Variants in BBS9 observed in about 807,000 individuals in gnomAD.
BBS9 encodes protein PTHB1.
Under a neutral mutation model 117.7 loss-of-function variants are expected in BBS9, and 89 were observed. The ratio of observed to expected loss-of-function variants is 0.76; its 90% CI spans 0.64 to 0.90. The LOEUF (loss-of-function observed/expected upper bound fraction) is 0.90. Ranked by LOEUF, BBS9 falls within the 40% of genes least tolerant of loss-of-function variation. BBS9 has a pLI of 0.00. For synonymous variants in BBS9, 379 were observed against 370.9 expected (o/e 1.02, Z -0.25); for missense variants, 982 against 1,042.2 (o/e 0.94, Z 0.80).
chr7:33,219,795 T>G (rs531039904), intron 5 of BBS9, among the ~76,000 whole-genome samples: 1 of 152,162 alleles, frequency 6.6e-6, no homozygotes, highest in Non-Finnish European at 1.5e-5. Context: ...GCAGGCTGCC[T>G]GAGTCAGCAG....
chr7:33,312,645 A>G (rs1290560240), intron 9 of BBS9, among the ~76,000 whole-genome samples: 1 of 152,170 alleles, frequency 6.6e-6, no homozygotes, highest in Non-Finnish European at 1.5e-5. Context: ...TTGGGGAGAA[A>G]TAGACTTCTC....
chr7:33,458,942 T>C (rs1025164000), intron 19 of BBS9, among the ~76,000 whole-genome samples: 1 of 152,138 alleles, frequency 6.6e-6, no homozygotes, highest in African/African-American at 2.4e-5. Context: ...AAATTACTTC[T>C]CAACCAAGTG....
At chr7:33,162,719 G>C (rs1795046072) in intron 4 of BBS9, among the ~76,000 whole-genome samples, 1 of 152,100 alleles carries the variant, frequency 6.6e-6, no homozygotes, top group Admixed American at 6.5e-5. Flanking sequence ...TCAGCTTAAG[G>C]AGATTTTGGG....
intron 5 of BBS9, among the ~76,000 whole-genome samples, chr7:33,199,190 C>T (rs1785429726): frequency 6.6e-6 from 1 of 151,910 alleles, no homozygotes. Flanking sequence ...TCTTGCCCAA[C>T]TTCCTGAAAA....
At chr7:33,436,936 C>G (rs1254510508) in intron 19 of BBS9, among the ~76,000 whole-genome samples, 2 of 152,150 alleles carry the variant, frequency 1.3e-5, no homozygotes, top group Non-Finnish European at 2.9e-5. Flanking sequence ...TTCTGTGTAA[C>G]TTGACTTGTA....
chr7:33,498,757 G>A lies in BBS9; in HGVS notation c.2116-6706G>A, dbSNP rs139207763. On this transcript the variant is annotated intron_variant, in intron 19 of 22. Coordinates refer to ENST00000242067, the MANE Select transcript of BBS9 (RefSeq NM_198428.3). ...TATGCCACAATTTGTTTATCCATGT[G>A]TCTGTTGATGGACATTTGAGTTGTT... Among the ~76,000 whole-genome samples the A allele has an allele frequency of 2.9e-3, 437 of 152,192 alleles. 5 individuals carry two copies. The highest frequency in any genetic ancestry group is 9.9e-3 in the African/African-American group (413 of 41,520).
At chr7:33,249,383 C>G (rs1317791550) in intron 5 of BBS9, among the ~76,000 whole-genome samples, 1 of 151,974 alleles carries the variant, frequency 6.6e-6, no homozygotes, top group Non-Finnish European at 1.5e-5. Flanking sequence ...CATGTTAAAG[C>G]TTTGACTATA....
chr7:33,299,838 T>C (rs1276505203), intron 9 of BBS9, among the ~76,000 whole-genome samples: 4 of 152,162 alleles, frequency 2.6e-5, no homozygotes, highest in Non-Finnish European at 4.4e-5. Context: ...AAAGCCAGTT[T>C]TGGAGCAGGG....
chr7:33,193,518 T>C (rs1003025507), intron 5 of BBS9, among the ~76,000 whole-genome samples: 2 of 151,902 alleles, frequency 1.3e-5, no homozygotes, highest in African/African-American at 4.8e-5. Flanking sequence ...CCCACTCTGT[T>C]TGGGCCTGTT....
intron 5 of BBS9, among the ~76,000 whole-genome samples, chr7:33,204,834 G>A (rs1023414314): frequency 1.3e-5 from 2 of 152,118 alleles, no homozygotes; most frequent in Non-Finnish European, 2.9e-5. Flanking sequence ...CACCATTGTA[G>A]CTAGTCAAGA....
chr7:33,491,921 T>A (rs1036548348), intron 19 of BBS9, among the ~76,000 whole-genome samples: 21 of 151,972 alleles, frequency 1.4e-4, no homozygotes, highest in African/African-American at 5.1e-4. Flanking sequence ...TATGTTGGGC[T>A]GGGTGTGGTG....
At chr7:33,516,210 G>A (rs1297801376) in intron 20 of BBS9, among the ~76,000 whole-genome samples, 3 of 152,134 alleles carry the variant, frequency 2.0e-5, no homozygotes, top group Non-Finnish European at 2.9e-5. Context: ...TGGAACATAG[G>A]CCGGGCGCGG....
At chr7:33,359,424 C>G (rs1190112113) in intron 16 of BBS9, among the ~76,000 whole-genome samples, 1 of 151,942 alleles carries the variant, frequency 6.6e-6, no homozygotes, top group Non-Finnish European at 1.5e-5. Context: ...GATGACTTAT[C>G]CATTTTCCTC....
chr7:33,349,378 C>T (rs781061074), intron 13 of BBS9: 67 of 584,096 alleles, frequency 1.1e-4, no homozygotes, highest in Middle Eastern at 2.7e-4. Flanking sequence ...TAATCTTTTA[C>T]GATTACAGAT....
At chr7:33,468,511 T>A (rs1293871506) in intron 19 of BBS9, among the ~76,000 whole-genome samples, 1 of 152,222 alleles carries the variant, frequency 6.6e-6, no homozygotes, top group Non-Finnish European at 1.5e-5. Flanking sequence ...CAAATATTTA[T>A]CATTTCTTTG....
intron 9 of BBS9, among the ~76,000 whole-genome samples, chr7:33,288,641 T>C (rs1158292190): frequency 1.3e-5 from 2 of 152,194 alleles, no homozygotes; most frequent in Non-Finnish European, 2.9e-5. Flanking sequence ...AGCAAGAGTA[T>C]TTTTATATTT....
At chr7:33,487,410 T>A (rs1394583888) in intron 19 of BBS9, among the ~76,000 whole-genome samples, 1 of 152,208 alleles carries the variant, frequency 6.6e-6, no homozygotes, top group Non-Finnish European at 1.5e-5. Context: ...TTATATAGTA[T>A]CTAACAGTTT....
intron 19 of BBS9, among the ~76,000 whole-genome samples, chr7:33,447,714 T>TAC: frequency 6.6e-6 from 1 of 152,368 alleles, no homozygotes; most frequent in East Asian, 1.9e-4. Context: ...GTGTATCTGT[T>TAC]ACAGAATTCC....
chr7:33,466,456 C>T (rs776784156), intron 19 of BBS9, among the ~76,000 whole-genome samples: 2 of 152,096 alleles, frequency 1.3e-5, no homozygotes, highest in Non-Finnish European at 2.9e-5. Flanking sequence ...AGTTTATCCA[C>T]GTTCTTGCAA....
Sources: allele counts gnomAD v4.1 joint callset (sites outside exome capture counted in the v4.1 genomes callset), GRCh38; gene constraint gnomAD v4.1.1; transcripts MANE v1.5; gene names NCBI Gene and HGNC (gene_info 2026-07-23, HGNC 2026-07-21).